Variants in MRPS6 observed in about 807,000 individuals in gnomAD.
MRPS6 encodes small ribosomal subunit protein bS6m.
A neutral mutation model predicts 13.1 loss-of-function variants in MRPS6; 6 were observed. That is an observed-to-expected ratio of 0.46 (90% CI 0.25 to 0.91). The LOEUF is 0.91. MRPS6 is among the 40% of genes least tolerant of loss of function. The probability of loss-of-function intolerance (pLI) is 0.18; values close to 1 mark genes in which losing one functional copy is unlikely to be tolerated. For missense variants in MRPS6, 164 were observed against 155.6 expected, an observed-to-expected ratio of 1.05 and a Z score of -0.29; for synonymous variants, 61 against 56.5, an observed-to-expected ratio of 1.08 and a Z score of -0.36.
rs1282241482 is a variant in MRPS6, at chr21:34,073,626, C to G, written c.-75C>G. 5.2e-6 allele frequency: 7 copies of G among 1,346,708 alleles called. No individual in the cohort carries two copies. The Admixed American group carries it at 1.2e-4, about 23-fold the overall frequency. The allele number at this position is 1,346,708 out of a possible 1,614,324, so 83.4% of individuals were successfully genotyped here. A position where few individuals can be genotyped will look rare whatever the true frequency, so the allele number is the denominator to read the frequency against. ...CGGCGCAGCAGTTTCTAGGTCCCCACTGTCCCCGCCGTCCCGCCCCTTCGC... is the reference window on the plus strand; with the variant it reads ...CGGCGCAGCAGTTTCTAGGTCCCCAGTGTCCCCGCCGTCCCGCCCCTTCGC... On this transcript the variant is annotated 5_prime_UTR_variant, in exon 1 of 3. Transcript: ENST00000399312.
chr21:34,102,139 T>C, intron 1 of MRPS6: 7 of 1,000,200 alleles, frequency 7.0e-6, no homozygotes, highest in Non-Finnish European at 8.4e-6. Flanking sequence ...GGAATGTTTT[T>C]GTCAGACTGT....
chr21:34,100,151 AT>A (rs1243093342), intron 1 of MRPS6: 2 of 999,848 alleles, frequency 2.0e-6, no homozygotes, highest in Non-Finnish European at 2.4e-6. Flanking sequence ...AAAAGTCAAA[AT>A]GAGGTGAGGA....
intron 2 of MRPS6, among the ~76,000 whole-genome samples, chr21:34,141,574 A>T (rs969849387): frequency 2.6e-5 from 4 of 152,176 alleles, no homozygotes; most frequent in Non-Finnish European, 5.9e-5. Context: ...CGATGACGAA[A>T]ATTTCATAGT....
intron 1 of MRPS6, among the ~76,000 whole-genome samples, chr21:34,114,065 A>G (rs1046833511): frequency 6.6e-6 from 1 of 152,152 alleles, no homozygotes; most frequent in Non-Finnish European, 1.5e-5. Flanking sequence ...ACTTGCTGTC[A>G]TAGTAACCAG....
At chr21:34,076,028 A>ATT (rs1165708734) in intron 1 of MRPS6, among the ~76,000 whole-genome samples, 1 of 152,142 alleles carries the variant, frequency 6.6e-6, no homozygotes, top group Non-Finnish European at 1.5e-5. Context: ...ACGTTTTTAG[A>ATT]TTCTTAAGTG....
chr21:34,073,959 C>T (rs1989255310), intron 1 of MRPS6, among the ~76,000 whole-genome samples: 1 of 145,830 alleles, frequency 6.9e-6, no homozygotes, highest in African/African-American at 2.5e-5. Flanking sequence ...CGGGGGTGTG[C>T]CTGCGCGTGT....
In MRPS6 at chr21:34,142,764, G is replaced by A. The variant is rs1256553319; in HGVS notation, c.*164G>A. 11 of 716,250 alleles carry A rather than the reference G, an allele frequency of 1.5e-5. No homozygotes were observed. The highest frequency in any genetic ancestry group is 2.1e-5 in the Non-Finnish European group (10 of 483,984). The allele number at this position is 716,250 out of a possible 1,614,324, so 44.4% of individuals were successfully genotyped here. On this transcript the variant is annotated 3_prime_UTR_variant, in exon 3 of 3. Coordinates refer to ENST00000399312, the MANE Select transcript of MRPS6 (RefSeq NM_032476.4). Reference sequence around the variant, plus strand: ...CCCTTGATCCCCTTTGCTTGCGAGAGGTGGGGAACTGCTCACTGACAGCTT... The same window carrying A: ...CCCTTGATCCCCTTTGCTTGCGAGAAGTGGGGAACTGCTCACTGACAGCTT...
chr21:34,104,692 C>A (rs1979399276), intron 1 of MRPS6: 2 of 1,000,224 alleles, frequency 2.0e-6, no homozygotes, highest in South Asian at 9.4e-5. Flanking sequence ...AACCTCAGGC[C>A]TGGGGGGATG....
At chr21:34,089,194 A>C (rs898436761) in intron 1 of MRPS6, among the ~76,000 whole-genome samples, 5 of 22,614 alleles carry the variant, frequency 2.2e-4, no homozygotes, top group African/African-American at 8.2e-4. Flanking sequence ...CACCTGGCTG[A>C]TTTTTGTGTT....
intron 1 of MRPS6, chr21:34,097,414 A>AC (rs1979016810): frequency 5.9e-6 from 8 of 1,357,820 alleles, no homozygotes; most frequent in Non-Finnish European, 7.5e-6. Flanking sequence ...TTGGGGAAAA[A>AC]AGTTATGTAA....
rs773034645 is a variant in MRPS6, at chr21:34,073,760, C to G, written c.45+15C>G. On this transcript the variant is annotated intron_variant, in intron 1 of 2. Coordinates refer to ENST00000399312, the MANE Select transcript of MRPS6 (RefSeq NM_032476.4). ...CCATGCAGCGGGTAAGTGACCTTCC[C>G]TCAGAGCCGGTCTTCCCGCGCGGGC... 2.7e-6 allele frequency: 4 copies of G among 1,502,978 alleles called. No individual in the cohort carries two copies. The East Asian group carries it at 1.1e-4, about 42-fold the overall frequency. The allele number at this position is 1,502,978 out of a possible 1,614,324, so 93.1% of individuals were successfully genotyped here. A position where few individuals can be genotyped will look rare whatever the true frequency, so the allele number is the denominator to read the frequency against.
Position 34,102,431 on chromosome 21 carries a change from T to C in MRPS6, c.46-22910T>C, listed in dbSNP as rs555565031. ...AAAAAGAGGGATTAGTTTTTTTGTT[T>C]TGGGGTAAGCACCTAATTTATCCAG... On this transcript the variant is annotated intron_variant, in intron 1 of 2. Coordinates refer to ENST00000399312, the MANE Select transcript of MRPS6 (RefSeq NM_032476.4). 3.4e-5 allele frequency: 34 copies of C among 999,966 alleles called. No individual in the cohort carries two copies. The Admixed American group carries it at 2.1e-3, about 62-fold the overall frequency. 61.9% of individuals were successfully genotyped at this position (999,966 alleles called of 1,614,324 possible). A position where few individuals can be genotyped will look rare whatever the true frequency, so the allele number is the denominator to read the frequency against.
Position 34,095,240 on chromosome 21 carries a change from C to T in MRPS6, c.45+21495C>T, listed in dbSNP as rs148860859. 4.5e-5 allele frequency: 73 copies of T among 1,613,626 alleles called. No individual in the cohort carries two copies. In the African/African-American group the frequency reaches 8.1e-4, roughly 18 times the overall value. Reference sequence around the variant, plus strand: ...ACACAGCAGACATTGCCATAGTGGCCCTGTATTTTATCCTGGTCATGTGCA... The same window carrying T: ...ACACAGCAGACATTGCCATAGTGGCTCTGTATTTTATCCTGGTCATGTGCA... On this transcript the variant is annotated intron_variant, in intron 1 of 2. Transcript: ENST00000399312.
chr21:34,076,195 C>T (rs984296397), intron 1 of MRPS6, among the ~76,000 whole-genome samples: 1 of 152,200 alleles, frequency 6.6e-6, no homozygotes, highest in African/African-American at 2.4e-5. Context: ...CCCAGAGCTG[C>T]TCTCCTGTTT....
At chr21:34,081,187 C>A (rs550272811) in intron 1 of MRPS6, among the ~76,000 whole-genome samples, 3 of 151,998 alleles carry the variant, frequency 2.0e-5, no homozygotes, top group East Asian at 1.9e-4. Context: ...TTTAAACTTT[C>A]CACTTTAATG....
At chr21:34,099,888 G>A in intron 1 of MRPS6, 1 of 358,530 alleles carries the variant, frequency 2.8e-6, no homozygotes, top group Non-Finnish European at 4.1e-6. Context: ...AATAGATAAT[G>A]TGCTCGAGTA....
At chr21:34,098,184 C>T in intron 1 of MRPS6, 1 of 999,584 alleles carries the variant, frequency 1.0e-6, no homozygotes, top group Non-Finnish European at 1.2e-6. Context: ...AATGACCAGC[C>T]CCCTAAGCAG....
intron 1 of MRPS6, among the ~76,000 whole-genome samples, chr21:34,106,668 T>G (rs182177612): frequency 1.1e-4 from 16 of 152,352 alleles, no homozygotes; most frequent in Non-Finnish European, 1.2e-4. Context: ...TTTGAGATAC[T>G]ATTTGCAGAC....
At chr21:34,138,519 G>A (rs1362735173) in intron 2 of MRPS6, among the ~76,000 whole-genome samples, 1 of 151,936 alleles carries the variant, frequency 6.6e-6, no homozygotes, top group Non-Finnish European at 1.5e-5. Flanking sequence ...ATCAAAAAGT[G>A]GGCAAAGGAC....
Sources: gnomAD v4.1 joint callset for allele counts (sites outside exome capture counted in the v4.1 genomes callset) on GRCh38, gnomAD v4.1.1 for gene constraint, MANE v1.5 for transcripts, NCBI Gene and HGNC (gene_info 2026-07-23, HGNC 2026-07-21) for gene names.